Variants in APBB1 observed in about 807,000 individuals in gnomAD.
The protein encoded by APBB1 is amyloid beta precursor protein binding family B member 1.
Under a neutral mutation model 78.4 loss-of-function variants are expected in APBB1, and 22 were observed. The observed-to-expected ratio is 0.28, with a 90% CI of 0.20 to 0.40. The LOEUF (loss-of-function observed/expected upper bound fraction) is 0.40, where lower values mean the gene tolerates loss of function less well. APBB1 is among the 10% of genes least tolerant of loss of function. The probability of loss-of-function intolerance (pLI) is 1.00; values close to 1 mark genes in which losing one functional copy is unlikely to be tolerated. For missense variants in APBB1, 749 were observed against 932.4 expected, an observed-to-expected ratio of 0.80 and a Z score of 2.56; for synonymous variants, 369 against 372.7, an observed-to-expected ratio of 0.99 and a Z score of 0.12.
chr11:6,407,325 C>G (rs1454453414), intron 2 of APBB1, among the ~76,000 whole-genome samples: 2 of 152,204 alleles, frequency 1.3e-5, no homozygotes, highest in Non-Finnish European at 2.9e-5. Context: ...CCCGCCCCAG[C>G]TCTTCAGCAG....
chr11:6,398,831 T>G (rs1276464115), intron 12 of APBB1, among the ~76,000 whole-genome samples: 1 of 152,216 alleles, frequency 6.6e-6, no homozygotes. Context: ...ATGTAAGATT[T>G]TGGACGTGAA....
intron 1 of APBB1, among the ~76,000 whole-genome samples, chr11:6,416,586 T>C (rs983239476): frequency 2.6e-5 from 4 of 152,214 alleles, no homozygotes; most frequent in African/African-American, 9.7e-5. Flanking sequence ...ATTCTGTGAA[T>C]CTGAAGTAGG....
At position 6,403,345 on chromosome 11, in the gene APBB1, C is replaced by T. The variant is rs1190957299; in HGVS notation, c.1014G>A (p.Thr338=). 20 of 1,614,152 alleles carry T rather than the reference C, an allele frequency of 1.2e-5. No individual in the cohort carries two copies. Among genetic ancestry groups the T allele is most frequent in the Middle Eastern group, 1.6e-4 (1 of 6,062 alleles). The stretch of plus-strand genomic sequence containing the variant: ...TGAGGCTCTGAGCTGGGAAGGTCAA[C>T]GTCCCCTCCTCAGGTTCCTTCAGTC... ...ELGLKEPEEG[T]LTFPAQSLSP... is the part of the protein sequence containing the mutation. Residue 338 remains threonine (T), a synonymous_variant, in exon 5 of 15, where the codon ACG becomes ACA. Coordinates refer to ENST00000609360, the MANE Select transcript of APBB1 (RefSeq NM_001164.5). The surrounding 1 kb of genome is among the most constrained non-coding windows in gnomAD (Gnocchi z 5.3).
Position 6,401,101 on chromosome 11 carries a change from GGTGGCA to G in APBB1, c.1589-35_1589-30del, listed in dbSNP as rs755272809. 26 of 1,613,978 alleles carry G rather than the reference GGTGGCA, an allele frequency of 1.6e-5. No individual in the cohort carries two copies. The highest frequency in any genetic ancestry group is 4.2e-6 in the Non-Finnish European group (5 of 1,180,028). ...TGGGAAAGAAGAGAAGGTTGATCAT[GGTGGCA>G]GACCTTGCTCACCCGCAGCCCCACC... is the stretch of plus-strand genomic sequence containing the variant. On this transcript the variant is annotated intron_variant, in intron 11 of 14. Transcript: ENST00000609360. This position sits in a 1 kb window ranked among gnomAD's most constrained non-coding sequence, Gnocchi z 4.5.
intron 2 of APBB1, among the ~76,000 whole-genome samples, chr11:6,407,148 T>C (rs1848830442): frequency 6.6e-6 from 1 of 152,218 alleles, no homozygotes; most frequent in Non-Finnish European, 1.5e-5. Flanking sequence ...ACAAACCTTC[T>C]CTGCAGCCCT....
chr11:6,398,198 CT>C (rs753705470), intron 12 of APBB1, among the ~76,000 whole-genome samples: 2 of 152,238 alleles, frequency 1.3e-5, no homozygotes, highest in African/African-American at 4.8e-5. Context: ...TGCAATCCCC[CT>C]AATCCTGCTG....
intron 1 of APBB1, among the ~76,000 whole-genome samples, chr11:6,414,256 T>G (rs1399165714): frequency 6.6e-6 from 1 of 152,126 alleles, no homozygotes; most frequent in East Asian, 1.9e-4. Flanking sequence ...GAATTCTGTC[T>G]CCCCTTGTGA....
In APBB1 at chr11:6,401,239, TG is replaced by T. The variant is rs758679988; in HGVS notation, c.1588+105del. 6.2e-7 allele frequency: 1 copy of T among 1,610,804 alleles called. No homozygotes were observed. Among genetic ancestry groups the T allele is most frequent in the African/African-American group, 1.3e-5 (1 of 74,914 alleles). On this transcript the variant is annotated intron_variant, in intron 11 of 14. Transcript: ENST00000609360. The surrounding 1 kb of genome is among the most constrained non-coding windows in gnomAD (Gnocchi z 4.5). ...CACGTATTGGAGTATTCAGTCTTCA[TG>T]TGTTCATTTTTCTATCAGCGCTGTC...
chr11:6,411,087 C>T lies in APBB1; in HGVS notation c.261G>A (p.Gln87=), dbSNP rs1275770528. 12 of 1,613,542 alleles carry T rather than the reference C, an allele frequency of 7.4e-6. No homozygotes were observed. Among genetic ancestry groups the T allele is most frequent in the Non-Finnish European group, 1.0e-5 (12 of 1,180,034 alleles). Residue 87 remains glutamine (Q), a synonymous_variant, in exon 2 of 15, where the codon CAG becomes CAA. Transcript: ENST00000609360. This position sits in a 1 kb window ranked among gnomAD's most constrained non-coding sequence, Gnocchi z 5.2. ...LRRAATAHRD[Q]NRNVTLTLAE... is the part of the protein sequence containing the mutation. ...CCAAGGTCAAGGTCACATTGCGATT[C>T]TGGTCACGGTGGGCCGTGGCGGCCC...
rs562953394 is a variant in APBB1, at chr11:6,402,561, G to A, written c.1254+15C>T. ...TCTCACAGTACCACCCCCTACCCCCGGCTCAGGTCCTTACTTCCCCCCAGC... is the reference window on the plus strand; with the variant it reads ...TCTCACAGTACCACCCCCTACCCCCAGCTCAGGTCCTTACTTCCCCCCAGC... On this transcript the variant is annotated intron_variant, in intron 7 of 14. Transcript: ENST00000609360. The A allele has an allele frequency of 5.9e-5, 95 of 1,612,488 alleles. No individual in the cohort carries two copies. The highest frequency in any genetic ancestry group is 1.3e-4 in the Admixed American group (8 of 59,938).
chr11:6,397,594 A>G (rs1034017471), intron 12 of APBB1, among the ~76,000 whole-genome samples: 9 of 152,194 alleles, frequency 5.9e-5, no homozygotes, highest in African/African-American at 2.2e-4. Context: ...GGACTGAGAA[A>G]CTTCAGACTG....
intron 1 of APBB1, among the ~76,000 whole-genome samples, chr11:6,412,227 A>C (rs1848984605): frequency 6.6e-6 from 1 of 152,302 alleles, no homozygotes; most frequent in East Asian, 1.9e-4. Context: ...ATCTTGGCTC[A>C]CTGCAACCTC....
rs768191575 is a variant in APBB1 at position 6,402,218 on chromosome 11, C to T, written c.1255-9G>A. 1.2e-6 allele frequency: 2 copies of T among 1,612,954 alleles called. No homozygotes were observed. The highest frequency in any genetic ancestry group is 1.7e-6 in the Non-Finnish European group (2 of 1,179,940). On this transcript the variant is annotated splice_polypyrimidine_tract_variant and intron_variant, in intron 7 of 14. Transcript: ENST00000609360. Reference sequence around the variant, plus strand: ...AGTAGCAGATCCTTTCCCTGCAGGACCAGAAGCAGGCACTCAGTGGGACTC... The same window carrying T: ...AGTAGCAGATCCTTTCCCTGCAGGATCAGAAGCAGGCACTCAGTGGGACTC...
intron 1 of APBB1, among the ~76,000 whole-genome samples, chr11:6,413,195 T>C (rs1423937372): frequency 6.6e-6 from 1 of 152,004 alleles, no homozygotes; most frequent in Non-Finnish European, 1.5e-5. Flanking sequence ...ATGCAAGCCC[T>C]CCTTCAGACA....
At chr11:6,414,966 T>A (rs1197928374) in intron 1 of APBB1, among the ~76,000 whole-genome samples, 1 of 152,238 alleles carries the variant, frequency 6.6e-6, no homozygotes, top group South Asian at 2.1e-4. Context: ...AAGAGCCAAG[T>A]TGACCTCAGG....
In APBB1 at chr11:6,401,258, G is replaced by C. The variant is rs778670131; in HGVS notation, c.1588+87C>G. The C allele has an allele frequency of 6.2e-7, 1 of 1,612,050 alleles. No homozygotes were observed. Among genetic ancestry groups the C allele is most frequent in the East Asian group, 2.2e-5 (1 of 44,822 alleles). ...TCTTCATGTGTTCATTTTTCTATCA[G>C]CGCTGTCCAGGAGCTCATGCCTTTC... On this transcript the variant is annotated intron_variant, in intron 11 of 14. Coordinates refer to ENST00000609360, the MANE Select transcript of APBB1 (RefSeq NM_001164.5). This position sits in a 1 kb window ranked among gnomAD's most constrained non-coding sequence, Gnocchi z 4.5.
rs745449932 is a variant in APBB1 at position 6,403,461 on chromosome 11, C to G, written c.954+27G>C. On this transcript the variant is annotated intron_variant, in intron 4 of 14. Transcript: ENST00000609360. The surrounding 1 kb of genome is among the most constrained non-coding windows in gnomAD (Gnocchi z 5.3). Reference sequence around the variant, plus strand: ...AATGATGCCCCTCCTCCAGCTATCCCGTGGTAAAGCAGGTCCCCTTACCCA... The same window carrying G: ...AATGATGCCCCTCCTCCAGCTATCCGGTGGTAAAGCAGGTCCCCTTACCCA... 13 of 1,614,050 alleles carry G rather than the reference C, an allele frequency of 8.1e-6. No individual in the cohort carries two copies. The highest frequency in any genetic ancestry group is 8.0e-5 in the African/African-American group (6 of 74,928).
rs1378413016 is a variant in APBB1, at chr11:6,395,492, T to C, written c.*42A>G. On this transcript the variant is annotated 3_prime_UTR_variant, in exon 15 of 15. Coordinates refer to ENST00000609360, the MANE Select transcript of APBB1 (RefSeq NM_001164.5). This position sits in a 1 kb window ranked among gnomAD's most constrained non-coding sequence, Gnocchi z 5.2. ...CCCTGACCCACACCCTTTAGTTCCC[T>C]GGGGCCCAACACAAGCAGGTGGAGG... is the stretch of plus-strand genomic sequence containing the variant. 2.0e-6 allele frequency: 3 copies of C among 1,502,032 alleles called. No individual in the cohort carries two copies. The highest frequency in any genetic ancestry group is 2.7e-6 in the Non-Finnish European group (3 of 1,126,116). The allele number at this position is 1,502,032 out of a possible 1,614,324, so 93.0% of individuals were successfully genotyped here. A position where few individuals can be genotyped will look rare whatever the true frequency, so the allele number is the denominator to read the frequency against.
rs374827185 is a variant in APBB1 at position 6,401,832 on chromosome 11, G to C, written c.1389-144C>G. On this transcript the variant is annotated intron_variant, in intron 9 of 14. Coordinates refer to ENST00000609360, the MANE Select transcript of APBB1 (RefSeq NM_001164.5). The surrounding 1 kb of genome is among the most constrained non-coding windows in gnomAD (Gnocchi z 4.5). ...GTCCCCCATAGGTGCTGCCTTCTTG[G>C]GGGGGAGGGGTAGACAGGCAAGCAT... is the stretch of plus-strand genomic sequence containing the variant. 6.7e-5 allele frequency: 95 copies of C among 1,423,148 alleles called. No individual in the cohort carries two copies. The highest frequency in any genetic ancestry group is 2.1e-4 in the East Asian group (9 of 42,178). The allele number at this position is 1,423,148 out of a possible 1,614,324, so 88.2% of individuals were successfully genotyped here. A position where few individuals can be genotyped will look rare whatever the true frequency, so the allele number is the denominator to read the frequency against.
Sources: allele counts gnomAD v4.1 joint callset (sites outside exome capture counted in the v4.1 genomes callset), GRCh38; gene constraint gnomAD v4.1.1; non-coding constraint Gnocchi (gnomAD v3.1); transcripts MANE v1.5; gene names NCBI Gene and HGNC (gene_info 2026-07-23, HGNC 2026-07-21).